Variants in IL1RAPL2 observed in about 807,000 individuals in gnomAD.
IL1RAPL2 encodes X-linked interleukin-1 receptor accessory protein-like 2.
In IL1RAPL2, 3 loss-of-function variants were observed where a neutral mutation model predicts 44.1. The observed-to-expected ratio is 0.07, with a 90% CI of 0.03 to 0.18. The LOEUF (loss-of-function observed/expected upper bound fraction) is 0.18, where lower values mean the gene tolerates loss of function less well. IL1RAPL2 is among the 10% of genes least tolerant of loss of function. The pLI is 1.00. For missense variants in IL1RAPL2, 391 were observed against 496.4 expected (o/e 0.79, Z 2.02); for synonymous variants, 181 against 178.8 (o/e 1.01, Z -0.10).
chrX:105,180,349 AC>A lies in IL1RAPL2; in HGVS notation c.83-15125del, dbSNP rs202148895. On this transcript the variant is annotated intron_variant, in intron 2 of 10. Coordinates refer to ENST00000372582, the MANE Select transcript of IL1RAPL2 (RefSeq NM_017416.2). ...TGAAACTCCATCTCAAAAAACAAAA[AC>A]AAAAACAAAAAAAAAAGAAAAGAAA... Among the ~76,000 whole-genome samples the A allele has an allele frequency of 4.5e-4, 49 of 109,419 alleles. 1 individual carries two copies. Among genetic ancestry groups the A allele is most frequent in the African/African-American group, 1.6e-3 (46 of 29,336 alleles).
intron 6 of IL1RAPL2, among the ~76,000 whole-genome samples, chrX:105,522,578 G>C (rs973072060): frequency 5.3e-5 from 6 of 112,208 alleles, no homozygotes; most frequent in African/African-American, 1.9e-4. Flanking sequence ...CTGTGACTTG[G>C]TGTCTAGTTC....
chrX:105,464,667 CAG>C (rs1044466298), intron 5 of IL1RAPL2, among the ~76,000 whole-genome samples: 4 of 111,679 alleles, frequency 3.6e-5, no homozygotes, highest in Non-Finnish European at 5.6e-5. Context: ...AGTGGGAGGA[CAG>C]ATACTAAGAT....
chrX:105,387,875 G>A (rs1335068255), intron 5 of IL1RAPL2, among the ~76,000 whole-genome samples: 1 of 108,732 alleles, frequency 9.2e-6, no homozygotes, highest in African/African-American at 3.3e-5. Context: ...TGGGCCGGGC[G>A]CAGTGGCTCA....
chrX:105,556,178 G>C (rs1285910333), intron 6 of IL1RAPL2, among the ~76,000 whole-genome samples: 1 of 111,734 alleles, frequency 8.9e-6, no homozygotes, highest in African/African-American at 3.3e-5. Flanking sequence ...TGTGTCATAG[G>C]GGGACAGTAC....
chrX:105,037,176 G>A (rs757095437), intron 2 of IL1RAPL2, among the ~76,000 whole-genome samples: 1 of 111,772 alleles, frequency 8.9e-6, no homozygotes, highest in African/African-American at 3.2e-5. Context: ...GTGGGATGAT[G>A]CTCATTATCT....
At chrX:105,557,694 T>C (rs748615010) in intron 6 of IL1RAPL2, among the ~76,000 whole-genome samples, 2 of 111,618 alleles carry the variant, frequency 1.8e-5, no homozygotes, top group African/African-American at 3.2e-5. Flanking sequence ...TTCCATGTCA[T>C]TGAAGCTTAT....
intron 2 of IL1RAPL2, among the ~76,000 whole-genome samples, chrX:105,062,515 C>A (rs2032088000): frequency 9.0e-6 from 1 of 111,357 alleles, no homozygotes; most frequent in Non-Finnish European, 1.9e-5. Context: ...TTTGTACTTA[C>A]TATTACCAGT....
At chrX:104,833,805 CA>C (rs1272933896) in intron 2 of IL1RAPL2, among the ~76,000 whole-genome samples, 1 of 111,897 alleles carries the variant, frequency 8.9e-6, no homozygotes, top group African/African-American at 3.2e-5. Flanking sequence ...TTGGGAGAGC[CA>C]AATCAATGTA....
At chrX:105,734,095 C>T (rs983735504) in intron 7 of IL1RAPL2, among the ~76,000 whole-genome samples, 10 of 110,156 alleles carry the variant, frequency 9.1e-5, no homozygotes, top group African/African-American at 3.3e-4. Context: ...GAATTTTCCT[C>T]GAGATTACTT....
intron 6 of IL1RAPL2, among the ~76,000 whole-genome samples, chrX:105,596,790 T>C (rs759330945): frequency 4.5e-5 from 5 of 111,854 alleles, no homozygotes; most frequent in Non-Finnish European, 9.4e-5. Flanking sequence ...ACTGGACCCT[T>C]ATCTTACACC....
intron 5 of IL1RAPL2, among the ~76,000 whole-genome samples, chrX:105,292,427 A>G (rs1467443131): frequency 8.9e-6 from 1 of 111,948 alleles, no homozygotes; most frequent in Non-Finnish European, 1.9e-5. Flanking sequence ...GATCATCCAC[A>G]CTTTTTTGAA....
chrX:104,833,508 C>T (rs777923459), intron 2 of IL1RAPL2, among the ~76,000 whole-genome samples: 3 of 111,323 alleles, frequency 2.7e-5, no homozygotes, highest in Admixed American at 9.6e-5. Context: ...TTTTTTAAAG[C>T]GAGCCTTCTG....
At chrX:105,728,078 T>C (rs1569469543) in intron 7 of IL1RAPL2, among the ~76,000 whole-genome samples, 2 of 111,566 alleles carry the variant, frequency 1.8e-5, no homozygotes, top group Non-Finnish European at 3.8e-5. Context: ...CCTAATGTTG[T>C]ACCATCTATG....
At chrX:105,594,305 A>G (rs950159938) in intron 6 of IL1RAPL2, among the ~76,000 whole-genome samples, 2 of 112,172 alleles carry the variant, frequency 1.8e-5, no homozygotes, top group African/African-American at 6.5e-5. Context: ...TTGGTTTAGA[A>G]TCTAACTTTT....
At chrX:104,915,495 AT>A (rs886963206) in intron 2 of IL1RAPL2, among the ~76,000 whole-genome samples, 3 of 110,244 alleles carry the variant, frequency 2.7e-5, no homozygotes, top group Non-Finnish European at 3.8e-5. Flanking sequence ...GATTGCAAAA[AT>A]TTTTTTTCCC....
At chrX:105,650,126 C>A (rs1747406862) in intron 6 of IL1RAPL2, among the ~76,000 whole-genome samples, 1 of 111,468 alleles carries the variant, frequency 9.0e-6, no homozygotes, top group Non-Finnish European at 1.9e-5. Flanking sequence ...CTGGACAATT[C>A]TTTGCTGTGG....
At chrX:104,689,966 T>C (rs1213702743) in intron 2 of IL1RAPL2, among the ~76,000 whole-genome samples, 1 of 112,483 alleles carries the variant, frequency 8.9e-6, no homozygotes, top group Non-Finnish European at 1.9e-5. Flanking sequence ...ATTTGGTACA[T>C]TTATTTATGA....
intron 6 of IL1RAPL2, among the ~76,000 whole-genome samples, chrX:105,521,270 G>A (rs1396612485): frequency 9.2e-6 from 1 of 109,137 alleles, no homozygotes; most frequent in Admixed American, 9.8e-5. Context: ...AAGAACATGG[G>A]GATTCAAGTT....
At chrX:105,633,985 A>C (rs115673543) in intron 6 of IL1RAPL2, among the ~76,000 whole-genome samples, 1,161 of 110,791 alleles carry the variant, frequency 0.01, 23 homozygotes, top group African/African-American at 0.036. Context: ...CCACCAACAG[A>C]AGTCTTTTTT....
Sources: allele counts gnomAD v4.1 joint callset (sites outside exome capture counted in the v4.1 genomes callset), GRCh38; gene constraint gnomAD v4.1.1; transcripts MANE v1.5; gene names NCBI Gene and HGNC (gene_info 2026-07-23, HGNC 2026-07-21).